The following VOPP1 variants were observed in gnomAD, a reference collection of about 807,000 sequenced individuals.
VOPP1 encodes WW domain binding protein VOPP1.
A neutral mutation model predicts 23.5 loss-of-function variants in VOPP1; 8 were observed. The observed-to-expected ratio is 0.34, with a 90% CI of 0.20 to 0.61. VOPP1 has a LOEUF of 0.61. Ranked by LOEUF, VOPP1 falls within the 20% of genes least tolerant of loss-of-function variation. The pLI is 0.78. For missense variants in VOPP1, 174 were observed against 238.1 expected, an observed-to-expected ratio of 0.73 and a Z score of 1.77; for synonymous variants, 83 against 97.3, an observed-to-expected ratio of 0.85 and a Z score of 0.86.
intron 1 of VOPP1, among the ~76,000 whole-genome samples, chr7:55,542,359 T>C (rs549902841): frequency 6.2e-4 from 95 of 152,216 alleles, no homozygotes; most frequent in Non-Finnish European, 1.2e-3. Flanking sequence ...CCACATCTTA[T>C]TCCTTCTAAC....
At chr7:55,564,005 C>T (rs1477458331) in intron 1 of VOPP1, among the ~76,000 whole-genome samples, 1 of 152,078 alleles carries the variant, frequency 6.6e-6, no homozygotes, top group Non-Finnish European at 1.5e-5. Flanking sequence ...GGAGGAAAAA[C>T]AGTGTTTGGA....
At chr7:55,538,547 A>G (rs1476500008) in intron 1 of VOPP1, 8 of 1,442,450 alleles carry the variant, frequency 5.5e-6, no homozygotes, top group African/African-American at 4.2e-5. Flanking sequence ...CCACAGTCCA[A>G]CTGAGGATCA....
chr7:55,496,343 CCT>C (rs760805554), intron 3 of VOPP1, among the ~76,000 whole-genome samples: 1 of 152,236 alleles, frequency 6.6e-6, no homozygotes, highest in East Asian at 1.9e-4. Flanking sequence ...GGGTCTTGCC[CCT>C]GACACTGGGC....
chr7:55,444,428 T>A (rs192206551), intron 4 of VOPP1, among the ~76,000 whole-genome samples: 1 of 152,336 alleles, frequency 6.6e-6, no homozygotes, highest in East Asian at 1.9e-4. Context: ...CCCTATGACA[T>A]GGCAAGGATC....
chr7:55,499,870 C>A (rs1010674203), intron 2 of VOPP1, among the ~76,000 whole-genome samples: 2 of 152,142 alleles, frequency 1.3e-5, no homozygotes, highest in African/African-American at 4.8e-5. Context: ...GCGCCCTGCA[C>A]AAACAGTACC....
At chr7:55,496,594 A>T (rs1426690721) in intron 3 of VOPP1, among the ~76,000 whole-genome samples, 1 of 152,188 alleles carries the variant, frequency 6.6e-6, no homozygotes, top group African/African-American at 2.4e-5. Context: ...GAGGCCAAGG[A>T]GGTGGTGAGG....
intron 4 of VOPP1, among the ~76,000 whole-genome samples, chr7:55,481,892 T>A (rs1440192141): frequency 1.3e-5 from 2 of 152,184 alleles, no homozygotes; most frequent in Non-Finnish European, 2.9e-5. Flanking sequence ...GGTATGCAGC[T>A]TCTACTTCTA....
chr7:55,564,117 G>A (rs529458121), intron 1 of VOPP1, among the ~76,000 whole-genome samples: 5 of 152,250 alleles, frequency 3.3e-5, no homozygotes, highest in African/African-American at 1.2e-4. Flanking sequence ...TAGGAACCTG[G>A]CTTCACAGCT....
intron 1 of VOPP1, among the ~76,000 whole-genome samples, chr7:55,530,605 A>G (rs1524993): frequency 0.94 from 143,415 of 152,258 alleles, 67,927 homozygotes; most frequent in East Asian, 1. Context: ...TTCTGTGGCA[A>G]TGTCTACAAG....
At chr7:55,562,030 A>G (rs1404563) in intron 1 of VOPP1, 133,095 of 703,284 alleles carry the variant, frequency 0.19, 14,170 homozygotes, top group African/African-American at 0.34. Context: ...ATCCTCATCT[A>G]TGCATCAGAA....
chr7:55,560,008 C>T lies in VOPP1; in HGVS notation c.54+12263G>A, dbSNP rs534596791. On this transcript the variant is annotated intron_variant, in intron 1 of 4. Transcript: ENST00000285279. ...TCTCCACTAAAAATACAAAAATTAGCTGGGGATGGTGGCGCACGCCTGTAG... is the reference window on the plus strand; with the variant it reads ...TCTCCACTAAAAATACAAAAATTAGTTGGGGATGGTGGCGCACGCCTGTAG... Among the ~76,000 whole-genome samples, 5 of 152,298 alleles carry T rather than the reference C, an allele frequency of 3.3e-5. 1 individual carries two copies. The South Asian group carries it at 1.0e-3, about 32-fold the overall frequency.
At chr7:55,440,909 C>A (rs1336946756) in intron 4 of VOPP1, among the ~76,000 whole-genome samples, 1 of 152,238 alleles carries the variant, frequency 6.6e-6, no homozygotes, top group Admixed American at 6.5e-5. Context: ...GCCCCTCACT[C>A]CTCCTTGTCC....
intron 4 of VOPP1, among the ~76,000 whole-genome samples, chr7:55,487,390 T>G (rs947559407): frequency 1.3e-5 from 2 of 152,240 alleles, no homozygotes; most frequent in Non-Finnish European, 2.9e-5. Flanking sequence ...ACACCACAGA[T>G]TTCACTGACT....
chr7:55,512,743 G>A (rs1026599869), intron 2 of VOPP1, among the ~76,000 whole-genome samples: 20 of 152,216 alleles, frequency 1.3e-4, no homozygotes, highest in African/African-American at 4.8e-4. Flanking sequence ...CATCCTGGAA[G>A]GCCCCAGTGC....
intron 2 of VOPP1, among the ~76,000 whole-genome samples, chr7:55,499,118 T>C (rs562037542): frequency 5.9e-5 from 9 of 151,996 alleles, no homozygotes; most frequent in African/African-American, 2.2e-4. Context: ...AATGCTCCCA[T>C]TGGCTCCCAC....
At chr7:55,480,557 T>A (rs981573559) in intron 4 of VOPP1, among the ~76,000 whole-genome samples, 1 of 152,252 alleles carries the variant, frequency 6.6e-6, no homozygotes, top group African/African-American at 2.4e-5. Context: ...TTACAATTAA[T>A]TTGTATTTCA....
At chr7:55,460,160 T>G (rs1375957757) in intron 4 of VOPP1, among the ~76,000 whole-genome samples, 1 of 152,194 alleles carries the variant, frequency 6.6e-6, no homozygotes, top group African/African-American at 2.4e-5. Flanking sequence ...ATTGTTTAAT[T>G]TCCATGTATT....
At chr7:55,531,516 A>AT (rs1172824760) in intron 1 of VOPP1, among the ~76,000 whole-genome samples, 1 of 151,684 alleles carries the variant, frequency 6.6e-6, no homozygotes. Flanking sequence ...CACCCAACTA[A>AT]TTTTTTTGTA....
At chr7:55,465,108 T>C (rs929373705) in intron 4 of VOPP1, among the ~76,000 whole-genome samples, 9 of 152,224 alleles carry the variant, frequency 5.9e-5, no homozygotes, top group African/African-American at 1.2e-4. Flanking sequence ...ATGAATTCCA[T>C]TGTTCTCTTA....
Sources: allele counts gnomAD v4.1 joint callset (sites outside exome capture counted in the v4.1 genomes callset), GRCh38; gene constraint gnomAD v4.1.1; transcripts MANE v1.5; gene names NCBI Gene and HGNC (gene_info 2026-07-23, HGNC 2026-07-21).